TMEM132D: variants seen among roughly 807,000 people sequenced by gnomAD.
TMEM132D encodes mature OL transmembrane protein.
A neutral mutation model predicts 62.3 loss-of-function variants in TMEM132D; 21 were observed. That is an observed-to-expected ratio of 0.34 (90% CI 0.24 to 0.49). The LOEUF (loss-of-function observed/expected upper bound fraction) is 0.49, where lower values mean the gene tolerates loss of function less well. Among genes scored for constraint, TMEM132D ranks in the 20% least tolerant of loss-of-function variants. TMEM132D has a pLI of 0.99. For missense variants in TMEM132D, 1,346 were observed against 1,402.8 expected (o/e 0.96, Z 0.65); for synonymous variants, 621 against 575.6 (o/e 1.08, Z -1.13).
chr12:129,169,138 C>T (rs1395647921), intron 5 of TMEM132D, among the ~76,000 whole-genome samples: 1 of 152,170 alleles, frequency 6.6e-6, no homozygotes, highest in African/African-American at 2.4e-5. Context: ...GATCTCCAGC[C>T]CCCAGCCCTA....
chr12:129,426,816 T>A (rs1419438250), intron 3 of TMEM132D, among the ~76,000 whole-genome samples: 1 of 152,162 alleles, frequency 6.6e-6, no homozygotes, highest in East Asian at 1.9e-4. Context: ...TCCCCCAAAG[T>A]CACACAGCTA....
At chr12:129,284,153 C>T (rs981337434) in intron 4 of TMEM132D, among the ~76,000 whole-genome samples, 1 of 152,092 alleles carries the variant, frequency 6.6e-6, no homozygotes, top group Non-Finnish European at 1.5e-5. Flanking sequence ...CTAATCTAGT[C>T]CCCGGATGCC....
At chr12:129,548,212 G>T (rs1425931788) in intron 2 of TMEM132D, among the ~76,000 whole-genome samples, 1 of 152,134 alleles carries the variant, frequency 6.6e-6, no homozygotes, top group Non-Finnish European at 1.5e-5. Flanking sequence ...CCCTCTCCCA[G>T]ATTAGGGTCT....
At chr12:129,766,321 AG>A (rs1870554106) in intron 1 of TMEM132D, among the ~76,000 whole-genome samples, 1 of 152,226 alleles carries the variant, frequency 6.6e-6, no homozygotes, top group African/African-American at 2.4e-5. Flanking sequence ...AAGCCTTTTC[AG>A]GAGAATTCTA....
At chr12:129,582,940 T>TTTG (rs1877918248) in intron 2 of TMEM132D, among the ~76,000 whole-genome samples, 1 of 151,746 alleles carries the variant, frequency 6.6e-6, no homozygotes, top group African/African-American at 2.4e-5. Flanking sequence ...TGTTTTTTGT[T>TTTG]TTGTTTTGGA....
At chr12:129,357,886 G>A (rs555943656) in intron 3 of TMEM132D, among the ~76,000 whole-genome samples, 2 of 152,292 alleles carry the variant, frequency 1.3e-5, no homozygotes, top group East Asian at 3.9e-4. Context: ...TTCCCGCCTT[G>A]ACATCTCATT....
At chr12:129,173,666 CT>C (rs1256776725) in intron 5 of TMEM132D, among the ~76,000 whole-genome samples, 5 of 152,222 alleles carry the variant, frequency 3.3e-5, no homozygotes, top group African/African-American at 1.2e-4. Flanking sequence ...CTCTCAGATT[CT>C]TTTTATCTCG....
intron 2 of TMEM132D, among the ~76,000 whole-genome samples, chr12:129,535,896 G>T (rs1030972209): frequency 6.6e-6 from 1 of 151,984 alleles, no homozygotes; most frequent in Admixed American, 6.6e-5. Flanking sequence ...AGAGTTCAAA[G>T]CCCAAGAAGA....
chr12:129,306,162 C>T (rs1426419451), intron 4 of TMEM132D, among the ~76,000 whole-genome samples: 2 of 152,088 alleles, frequency 1.3e-5, no homozygotes, highest in African/African-American at 2.4e-5. Context: ...ATAAACAAGG[C>T]CCGGGTTTAT....
intron 4 of TMEM132D, among the ~76,000 whole-genome samples, chr12:129,322,456 T>C (rs908460502): frequency 1.3e-5 from 2 of 152,144 alleles, no homozygotes; most frequent in Non-Finnish European, 2.9e-5. Flanking sequence ...CTGCATGGTG[T>C]GAACCAGGTA....
chr12:129,842,884 A>G (rs144642671), intron 1 of TMEM132D, among the ~76,000 whole-genome samples: 4 of 152,296 alleles, frequency 2.6e-5, no homozygotes, highest in East Asian at 1.9e-4. Context: ...GTTGTGTTCA[A>G]TTTTTAGCCT....
chr12:129,570,173 C>T (rs970904908), intron 2 of TMEM132D, among the ~76,000 whole-genome samples: 2 of 152,140 alleles, frequency 1.3e-5, no homozygotes, highest in Non-Finnish European at 2.9e-5. Flanking sequence ...TAACAGAAGA[C>T]GATCTAGAAG....
intron 5 of TMEM132D, among the ~76,000 whole-genome samples, chr12:129,177,575 T>A (rs1877939896): frequency 1.3e-5 from 2 of 152,158 alleles, no homozygotes; most frequent in Non-Finnish European, 2.9e-5. Flanking sequence ...CTGGACAACA[T>A]AGTGAGACCC....
intron 4 of TMEM132D, among the ~76,000 whole-genome samples, chr12:129,291,252 T>A (rs1488726717): frequency 6.6e-6 from 1 of 152,236 alleles, no homozygotes; most frequent in Non-Finnish European, 1.5e-5. Context: ...GATGTGTTCA[T>A]TATTGAGGAA....
chr12:129,728,986 C>T (rs1451033251), intron 1 of TMEM132D, among the ~76,000 whole-genome samples: 3 of 152,108 alleles, frequency 2.0e-5, no homozygotes, highest in South Asian at 2.1e-4. Flanking sequence ...ATTTATAATT[C>T]GTTTTTAATG....
chr12:129,341,623 TAA>T (rs1869488529), intron 3 of TMEM132D, among the ~76,000 whole-genome samples: 1 of 152,228 alleles, frequency 6.6e-6, no homozygotes, highest in Non-Finnish European at 1.5e-5. Flanking sequence ...TAATGTTTAC[TAA>T]ACAGACCCAG....
At chr12:129,513,803 T>TA (rs1566093652) in intron 3 of TMEM132D, among the ~76,000 whole-genome samples, 13 of 121,576 alleles carry the variant, frequency 1.1e-4, no homozygotes, top group South Asian at 2.7e-4. Context: ...CCAATTTTTA[T>TA]TTTTATTTAT....
intron 3 of TMEM132D, among the ~76,000 whole-genome samples, chr12:129,359,059 T>C (rs1870165100): frequency 6.6e-6 from 1 of 151,890 alleles, no homozygotes; most frequent in Non-Finnish European, 1.5e-5. Context: ...AAACAAAATG[T>C]AGTATATCCA....
chr12:129,218,816 A>G (rs1879277092), intron 4 of TMEM132D, among the ~76,000 whole-genome samples: 1 of 152,176 alleles, frequency 6.6e-6, no homozygotes, highest in Non-Finnish European at 1.5e-5. Flanking sequence ...AGACAAGTTA[A>G]TCTCTTTGCA....
Sources: allele counts gnomAD v4.1 joint callset (sites outside exome capture counted in the v4.1 genomes callset), GRCh38; gene constraint gnomAD v4.1.1; transcripts MANE v1.5; gene names NCBI Gene and HGNC (gene_info 2026-07-23, HGNC 2026-07-21).